Variants in GALNT13 observed in about 807,000 individuals in gnomAD.
The protein encoded by GALNT13 is UDP-GalNAc:polypeptide N-acetylgalactosaminyltransferase 13.
A neutral mutation model predicts 64.2 loss-of-function variants in GALNT13; 28 were observed. The observed-to-expected ratio is 0.44, with a 90% CI of 0.32 to 0.60. The LOEUF (loss-of-function observed/expected upper bound fraction) is 0.60. Ranked by LOEUF, GALNT13 falls within the 20% of genes least tolerant of loss-of-function variation. GALNT13 has a pLI of 0.05. For synonymous variants in GALNT13, 214 were observed against 224.6 expected (o/e 0.95, Z 0.42); for missense variants, 577 against 669.8 (o/e 0.86, Z 1.53).
intron 3 of GALNT13, among the ~76,000 whole-genome samples, chr2:154,123,259 A>G (rs946464141): frequency 9.9e-5 from 15 of 152,026 alleles, no homozygotes; most frequent in African/African-American, 3.6e-4. Context: ...GTATGCTACC[A>G]TGATGTCAGC....
chr2:153,328,869 G>C, the GALNT13 span, among the ~76,000 whole-genome samples: 19 of 152,056 alleles, frequency 1.2e-4, no homozygotes, highest in African/African-American at 4.3e-4. Context: ...AAAAACTCTT[G>C]CAGCTATCTC....
chr2:153,305,230 T>C, the GALNT13 span, among the ~76,000 whole-genome samples: 1 of 152,094 alleles, frequency 6.6e-6, no homozygotes, highest in Non-Finnish European at 1.5e-5. Flanking sequence ...ATGGAACATA[T>C]AGGTTCTGGG....
the GALNT13 span, among the ~76,000 whole-genome samples, chr2:153,448,348 A>T: frequency 7.2e-5 from 11 of 152,202 alleles, no homozygotes; most frequent in African/African-American, 2.7e-4. Context: ...TTATTAGAAT[A>T]GAATCGTATT....
the GALNT13 span, among the ~76,000 whole-genome samples, chr2:153,811,458 T>C: frequency 6.0e-4 from 92 of 152,234 alleles, no homozygotes; most frequent in Non-Finnish European, 1.2e-3. Context: ...CTTTATTGAC[T>C]TTATCTTCAT....
the GALNT13 span, among the ~76,000 whole-genome samples, chr2:153,609,949 A>T: frequency 1.9e-3 from 282 of 152,038 alleles, 3 homozygotes; most frequent in African/African-American, 6.6e-3. Flanking sequence ...GGACCTTGGC[A>T]GCCTTCTTGG....
the GALNT13 span, among the ~76,000 whole-genome samples, chr2:153,435,010 T>C: frequency 6.6e-6 from 1 of 152,116 alleles, no homozygotes; most frequent in Non-Finnish European, 1.5e-5. Context: ...TTTTGTATAC[T>C]GTGTAAGGAA....
the GALNT13 span, among the ~76,000 whole-genome samples, chr2:153,171,286 T>G: frequency 6.6e-6 from 1 of 152,260 alleles, no homozygotes; most frequent in East Asian, 1.9e-4. Context: ...AATATTGTTT[T>G]GGCAACTAAT....
the GALNT13 span, among the ~76,000 whole-genome samples, chr2:153,251,784 T>C: frequency 6.6e-6 from 1 of 151,928 alleles, no homozygotes. Context: ...TCCATGTCCC[T>C]ACAAAGGACA....
At chr2:153,913,533 A>G (rs897581853) in intron 2 of GALNT13, among the ~76,000 whole-genome samples, 3 of 152,168 alleles carry the variant, frequency 2.0e-5, no homozygotes, top group African/African-American at 4.8e-5. Context: ...CTCCAACACC[A>G]AATCCTCTGG....
At chr2:153,653,674 A>G in the GALNT13 span, among the ~76,000 whole-genome samples, 2 of 152,178 alleles carry the variant, frequency 1.3e-5, no homozygotes, top group South Asian at 2.1e-4. Flanking sequence ...GTCTATGAGT[A>G]TACATGAGTT....
chr2:153,414,854 C>T, the GALNT13 span, among the ~76,000 whole-genome samples: 8 of 151,932 alleles, frequency 5.3e-5, no homozygotes, highest in Non-Finnish European at 1.0e-4. Context: ...TTCCTCAGAC[C>T]AACTGTTTAT....
At chr2:154,190,028 G>A (rs566927295) in intron 4 of GALNT13, among the ~76,000 whole-genome samples, 214 of 152,242 alleles carry the variant, frequency 1.4e-3, no homozygotes, top group African/African-American at 4.7e-3. Flanking sequence ...AAAATACACC[G>A]TATTTGGTGT....
the GALNT13 span, among the ~76,000 whole-genome samples, chr2:153,390,558 C>A: frequency 6.6e-6 from 1 of 151,950 alleles, no homozygotes; most frequent in East Asian, 1.9e-4. Flanking sequence ...TATAGAAGAC[C>A]TTTTACATTC....
intron 11 of GALNT13, among the ~76,000 whole-genome samples, chr2:154,419,903 G>T (rs1700177469): frequency 6.6e-6 from 1 of 152,000 alleles, no homozygotes. Flanking sequence ...TTGATTAATT[G>T]GTTAAAGTAT....
the GALNT13 span, among the ~76,000 whole-genome samples, chr2:153,182,131 C>A: frequency 0.13 from 19,127 of 151,762 alleles, 1,468 homozygotes; most frequent in Non-Finnish European, 0.17. Flanking sequence ...GCAAGCTCTG[C>A]CTCCCGAGTT....
rs568675605 is a variant in GALNT13, at chr2:154,103,504, AT to A, written c.143-36831del. Among the ~76,000 whole-genome samples the A allele has an allele frequency of 2.6e-4, 40 of 152,248 alleles. 1 individual carries two copies. The South Asian group carries it at 3.5e-3, about 13-fold the overall frequency. The stretch of plus-strand genomic sequence containing the variant: ...AGAATTTATATTTTGGTTGGGATCC[AT>A]TGATATACAGCTTGCATCATCATTG... On this transcript the variant is annotated intron_variant, in intron 3 of 12. Transcript: ENST00000392825.
the GALNT13 span, among the ~76,000 whole-genome samples, chr2:153,758,472 T>C: frequency 2.6e-5 from 4 of 152,170 alleles, no homozygotes. Flanking sequence ...CTTGGAAATT[T>C]GTACTTTTTT....
At chr2:154,444,381 A>G (rs1701459108) in intron 12 of GALNT13, among the ~76,000 whole-genome samples, 1 of 152,114 alleles carries the variant, frequency 6.6e-6, no homozygotes, top group South Asian at 2.1e-4. Context: ...GTTTTTAAAA[A>G]ACATAAATAA....
rs1031998272 is a variant in GALNT13, at chr2:153,991,932, G to A, written c.142+47293G>A. On this transcript the variant is annotated intron_variant, in intron 3 of 12. Transcript: ENST00000392825. The stretch of plus-strand genomic sequence containing the variant: ...TACTAAGGACAAGCTTGTACTTAAT[G>A]CCAAAGAGAGAAATAAATAATGTGA... Among the ~76,000 whole-genome samples, 141 of 152,232 alleles carry A rather than the reference G, an allele frequency of 9.3e-4. 5 individuals carry two copies. The highest frequency in any genetic ancestry group is 8.9e-3 in the Admixed American group (136 of 15,266).
Sources: gnomAD v4.1 joint callset for allele counts (sites outside exome capture counted in the v4.1 genomes callset) on GRCh38, gnomAD v4.1.1 for gene constraint, MANE v1.5 for transcripts, NCBI Gene and HGNC (gene_info 2026-07-23, HGNC 2026-07-21) for gene names.